The following FAT3 variants were observed in gnomAD, a reference collection of about 807,000 sequenced individuals.
The protein encoded by FAT3 is protocadherin Fat 3.
Under a neutral mutation model 310.2 loss-of-function variants are expected in FAT3, and 95 were observed. The observed-to-expected ratio is 0.31, with a 90% confidence interval of 0.26 to 0.36. The LOEUF is 0.36. Ranked by LOEUF, FAT3 falls within the 10% of genes least tolerant of loss-of-function variation. The pLI is 1.00. For missense variants in FAT3, 5,408 were observed against 5,715.6 expected (o/e 0.95, Z 1.74); for synonymous variants, 2,314 against 2,192.9 (o/e 1.06, Z -1.54).
At chr11:92,447,133 A>G (rs1221763218) in intron 2 of FAT3, among the ~76,000 whole-genome samples, 2 of 151,812 alleles carry the variant, frequency 1.3e-5, no homozygotes, top group African/African-American at 4.9e-5. Context: ...GTAACTGAAA[A>G]TGATACACGT....
chr11:92,554,446 A>T (rs1226131243), intron 3 of FAT3, among the ~76,000 whole-genome samples: 3 of 136,792 alleles, frequency 2.2e-5, no homozygotes, highest in Non-Finnish European at 4.6e-5. Context: ...TGGGCGAAAG[A>T]GTGAGACTCC....
At chr11:92,308,267 TAGA>T (rs1947191941) in intron 1 of FAT3, among the ~76,000 whole-genome samples, 1 of 152,180 alleles carries the variant, frequency 6.6e-6, no homozygotes, top group Non-Finnish European at 1.5e-5. Flanking sequence ...GAACAGAATG[TAGA>T]AGTTGTTTGA....
At chr11:92,263,464 A>G (rs1458373473) in intron 1 of FAT3, among the ~76,000 whole-genome samples, 1 of 152,046 alleles carries the variant, frequency 6.6e-6, no homozygotes, top group Non-Finnish European at 1.5e-5. Flanking sequence ...TCATTGCTTT[A>G]TAAAGATTTT....
At chr11:92,536,628 T>C (rs1954268934) in intron 3 of FAT3, among the ~76,000 whole-genome samples, 1 of 152,238 alleles carries the variant, frequency 6.6e-6, no homozygotes, top group African/African-American at 2.4e-5. Flanking sequence ...TTGTTTTAGC[T>C]AATTCAATGT....
At chr11:92,875,087 T>C (rs1325421590) in intron 22 of FAT3, among the ~76,000 whole-genome samples, 1 of 151,618 alleles carries the variant, frequency 6.6e-6, no homozygotes, top group African/African-American at 2.4e-5. Flanking sequence ...TTATAAATAA[T>C]ATTTTGTGAG....
chr11:92,291,914 C>G (rs781412622), intron 1 of FAT3, among the ~76,000 whole-genome samples: 1 of 152,016 alleles, frequency 6.6e-6, no homozygotes, highest in African/African-American at 2.4e-5. Context: ...AGAGAGAACA[C>G]AGTTAAAAAT....
At chr11:92,864,532 G>A (rs1048481070) in intron 21 of FAT3, among the ~76,000 whole-genome samples, 6 of 152,134 alleles carry the variant, frequency 3.9e-5, no homozygotes, top group Non-Finnish European at 7.4e-5. Flanking sequence ...AAGATTACAC[G>A]TGAGGCTGAG....
intron 1 of FAT3, chr11:92,335,981 C>G (rs1948061467): frequency 2.3e-6 from 1 of 435,316 alleles, no homozygotes; most frequent in South Asian, 1.9e-5. Context: ...GTCAGAATGG[C>G]AGGCAAGGGG....
chr11:92,268,052 CA>C (rs34936870), intron 1 of FAT3, among the ~76,000 whole-genome samples: 2,785 of 86,716 alleles, frequency 0.032, 47 homozygotes, highest in African/African-American at 0.081. Flanking sequence ...CTAAGTCCTT[CA>C]AAAAAAAAAA....
intron 18 of FAT3, among the ~76,000 whole-genome samples, chr11:92,841,926 C>A (rs577361379): frequency 6.6e-6 from 1 of 152,250 alleles, no homozygotes; most frequent in South Asian, 2.1e-4. Context: ...AACTCTTCAC[C>A]CCTCCCATAT....
intron 21 of FAT3, among the ~76,000 whole-genome samples, chr11:92,865,771 G>T (rs1181944165): frequency 3.9e-5 from 6 of 152,214 alleles, no homozygotes; most frequent in Admixed American, 3.9e-4. Context: ...TCCATGGAGG[G>T]CCAATCCCTG....
At chr11:92,653,617 G>A (rs1238960761) in intron 3 of FAT3, among the ~76,000 whole-genome samples, 1 of 152,152 alleles carries the variant, frequency 6.6e-6, no homozygotes, top group Non-Finnish European at 1.5e-5. Context: ...TGCTCTAGCA[G>A]TATTAAGAGA....
chr11:92,663,762 C>T (rs1206594820), intron 3 of FAT3, among the ~76,000 whole-genome samples: 1 of 152,178 alleles, frequency 6.6e-6, no homozygotes, highest in East Asian at 1.9e-4. Flanking sequence ...ATTGCCACCA[C>T]TTTGGCTTAA....
intron 3 of FAT3, among the ~76,000 whole-genome samples, chr11:92,658,364 T>G (rs914671748): frequency 2.0e-5 from 3 of 152,242 alleles, no homozygotes; most frequent in Admixed American, 1.3e-4. Context: ...TCAGTTACAC[T>G]GGCCGCATTT....
rs556056359 is a variant in FAT3, at chr11:92,882,834, G to A, written c.12378G>A (p.Pro4126=). 13 of 1,611,596 alleles carry A rather than the reference G, an allele frequency of 8.1e-6. No individual in the cohort carries two copies. Among genetic ancestry groups the A allele is most frequent in the Non-Finnish European group, 1.1e-5 (13 of 1,179,120 alleles). The stretch of plus-strand genomic sequence containing the variant: ...GCTCCTTCCTCTGCAACTGCACGCC[G>A]GGCTACGTGGGCCAGTACTGCGGGC... The part of the protein sequence containing the change: ...VFGSFLCNCT[P]GYVGQYCGLR... Residue 4126 remains proline, a synonymous_variant, in exon 24 of 28, where the codon CCG becomes CCA. Transcript: ENST00000525166.
At chr11:92,458,596 CT>C (rs1951559252) in intron 2 of FAT3, among the ~76,000 whole-genome samples, 1 of 152,008 alleles carries the variant, frequency 6.6e-6, no homozygotes, top group South Asian at 2.1e-4. Context: ...GCAGAGTGAC[CT>C]TTCTTTGTTT....
intron 2 of FAT3, among the ~76,000 whole-genome samples, chr11:92,499,640 G>A (rs1952870792): frequency 6.6e-6 from 1 of 151,842 alleles, no homozygotes; most frequent in Non-Finnish European, 1.5e-5. Context: ...ATCCACATCT[G>A]AGCTTGGCTA....
At chr11:92,848,073 A>G (rs1273483569) in intron 19 of FAT3, among the ~76,000 whole-genome samples, 1 of 152,160 alleles carries the variant, frequency 6.6e-6, no homozygotes, top group African/African-American at 2.4e-5. Flanking sequence ...TGATAAATAG[A>G]GGTAACTGTC....
intron 2 of FAT3, among the ~76,000 whole-genome samples, chr11:92,392,281 TA>T (rs1949767965): frequency 6.6e-6 from 1 of 152,140 alleles, no homozygotes. Context: ...TATTACAAAA[TA>T]ATAATAATGA....
Sources: allele counts gnomAD v4.1 joint callset (sites outside exome capture counted in the v4.1 genomes callset), GRCh38; gene constraint gnomAD v4.1.1; transcripts MANE v1.5; gene names NCBI Gene and HGNC (gene_info 2026-07-23, HGNC 2026-07-21).